PCDHA4: variants seen among roughly 807,000 people sequenced by gnomAD.
The protein encoded by PCDHA4 is protocadherin alpha-4.
In PCDHA4, 49 loss-of-function variants were observed where a neutral mutation model predicts 61.4. The observed-to-expected ratio is 0.80, with a 90% CI of 0.63 to 1.01. The LOEUF is 1.01. PCDHA4 is among the 50% of genes least tolerant of loss of function. PCDHA4 has a pLI of 0.00. For missense variants in PCDHA4, 1,254 were observed against 1,235.8 expected, an observed-to-expected ratio of 1.01 and a Z score of -0.22; for synonymous variants, 590 against 550.3, an observed-to-expected ratio of 1.07 and a Z score of -1.01.
intron 1 of PCDHA4, chr5:140,876,947 A>C: frequency 6.2e-7 from 1 of 1,613,496 alleles, no homozygotes; most frequent in Non-Finnish European, 8.5e-7. Flanking sequence ...CTGGTGTCCT[A>C]CTCGCTGGTG....
At position 140,967,566 on chromosome 5, in the gene PCDHA4, G is replaced by T. The variant is rs1586227015; in HGVS notation, c.2386-11383G>T. The stretch of plus-strand genomic sequence containing the variant: ...CAGTCCACTTATCGCGTCCAGCTAC[G>T]GGAGGACTCACCCCCAGGCACATTG... On this transcript the variant is annotated intron_variant, in intron 1 of 3. Coordinates refer to ENST00000530339, the MANE Select transcript of PCDHA4 (RefSeq NM_018907.4). 6 of 1,614,060 alleles carry T rather than the reference G, an allele frequency of 3.7e-6. No homozygotes were observed. In the East Asian group the frequency reaches 1.3e-4, roughly 36 times the overall value.
At chr5:140,982,439 G>T in intron 2 of PCDHA4, 36 bp from the exon 3 acceptor site, 1 of 1,613,560 alleles carries the variant, frequency 6.2e-7, no homozygotes, top group Non-Finnish European at 8.5e-7. Context: ...AAGAATTTAT[G>T]ATCTAACCGT....
At chr5:140,833,562 T>A (rs1298635340) in intron 1 of PCDHA4, among the ~76,000 whole-genome samples, 1 of 152,132 alleles carries the variant, frequency 6.6e-6, no homozygotes, top group African/African-American at 2.4e-5. Context: ...GAAACAAATA[T>A]AAAATGATGA....
intron 1 of PCDHA4, chr5:140,823,865 T>A (rs1554129638): frequency 1.2e-6 from 2 of 1,613,806 alleles, no homozygotes; most frequent in East Asian, 4.5e-5. Flanking sequence ...GATGTCAACG[T>A]GTACCTGATC....
intron 1 of PCDHA4, chr5:140,875,825 A>G: frequency 6.2e-7 from 1 of 1,614,174 alleles, no homozygotes; most frequent in East Asian, 2.2e-5. Flanking sequence ...CAGGTTTTCC[A>G]TGTGGACGTG....
intron 1 of PCDHA4, among the ~76,000 whole-genome samples, chr5:140,890,446 T>A (rs1554184296): frequency 6.6e-6 from 1 of 152,228 alleles, no homozygotes; most frequent in Non-Finnish European, 1.5e-5. Context: ...CCTAGTGATA[T>A]CTTTAGGCAC....
chr5:140,851,156 T>C (rs1174677153), intron 1 of PCDHA4: 2 of 1,302,318 alleles, frequency 1.5e-6, no homozygotes, highest in South Asian at 2.6e-5. Context: ...GAATTTCTGA[T>C]GCTATGCTGC....
chr5:140,916,090 G>A (rs1464191226), intron 1 of PCDHA4, among the ~76,000 whole-genome samples: 1 of 152,160 alleles, frequency 6.6e-6, no homozygotes, highest in African/African-American at 2.4e-5. Context: ...TGGTCCACAG[G>A]GAATCTGCCT....
intron 3 of PCDHA4, among the ~76,000 whole-genome samples, chr5:140,999,859 C>T (rs2153959609): frequency 6.6e-6 from 1 of 152,256 alleles, no homozygotes; most frequent in South Asian, 2.1e-4. Context: ...TCTTCCGCTC[C>T]AAGATTACTG....
rs549701659 is a variant in PCDHA4 at position 140,937,333 on chromosome 5, G to C, written c.2386-41616G>C. On this transcript the variant is annotated intron_variant, in intron 1 of 3. Transcript: ENST00000530339. ...ATTACAGGCGTGAGCCACCGCGCCCGGCTTCTTCCATTTATTTTATTATTT... is the reference window on the plus strand; with the variant it reads ...ATTACAGGCGTGAGCCACCGCGCCCCGCTTCTTCCATTTATTTTATTATTT... Among the ~76,000 whole-genome samples the C allele has an allele frequency of 2.8e-3, 423 of 151,952 alleles. 2 individuals carry two copies. Among genetic ancestry groups the C allele is most frequent in the Middle Eastern group, 0.014 (4 of 294 alleles).
intron 3 of PCDHA4, among the ~76,000 whole-genome samples, chr5:140,995,493 G>T (rs1427672474): frequency 6.6e-6 from 1 of 152,148 alleles, no homozygotes; most frequent in Non-Finnish European, 1.5e-5. Flanking sequence ...TCAGACTAAG[G>T]TTGACTGTGG....
intron 1 of PCDHA4, chr5:140,830,417 C>T: frequency 1.2e-6 from 2 of 1,614,096 alleles, no homozygotes; most frequent in Non-Finnish European, 1.7e-6. Flanking sequence ...TAGCCCCAGC[C>T]TTTCACCTTG....
chr5:140,862,327 A>G (rs1317111352), intron 1 of PCDHA4: 1 of 326,932 alleles, frequency 3.1e-6, no homozygotes, highest in Non-Finnish European at 6.0e-6. Context: ...TAATCAGTGT[A>G]ATTGACCCTA....
rs185992249 is a variant in PCDHA4 at position 140,825,788 on chromosome 5, G to A, written c.2385+16216G>A. 348 of 152,420 alleles carry A rather than the reference G, an allele frequency of 2.3e-3. 1 individual carries two copies. The highest frequency in any genetic ancestry group is 4.4e-3 in the Non-Finnish European group (300 of 67,998). The allele number at this position is 152,420 out of a possible 1,614,324, so 9.4% of individuals were successfully genotyped here. On this transcript the variant is annotated intron_variant, in intron 1 of 3. Transcript: ENST00000530339. ...GTTGTGCAAATTCTACTATATTTTG[G>A]TTGGGAAATTTTACTGCTTGTTGTT... is the stretch of plus-strand genomic sequence containing the variant.
intron 1 of PCDHA4, chr5:140,869,765 A>C (rs376277801): frequency 1.9e-6 from 3 of 1,613,164 alleles, no homozygotes; most frequent in African/African-American, 2.7e-5. Flanking sequence ...GGAAAACCAG[A>C]GCTTACTGGC....
chr5:140,807,509 G>A lies in PCDHA4; in HGVS notation c.322G>A (p.Val108Met). 1.9e-6 allele frequency: 3 copies of A among 1,613,908 alleles called. No homozygotes were observed. Among genetic ancestry groups the A allele is most frequent in the Non-Finnish European group, 2.5e-6 (3 of 1,179,950 alleles). Residue 108 changes from valine (V) to methionine (M), a missense_variant, in exon 1 of 4, where the codon GTG becomes ATG. By Grantham distance (21) the Val-to-Met change is conservative (BLOSUM62 1). Transcript: ENST00000530339. ...CGCGGAGTGCAGCATCCACCTGGAG[G>A]TGATCGTAGACAGGCCGCTGCAGGT... is the stretch of plus-strand genomic sequence containing the variant. ...RSAECSIHLE[V>M]IVDRPLQVFH...
chr5:140,952,417 C>T (rs2153696080), intron 1 of PCDHA4, among the ~76,000 whole-genome samples: 1 of 152,190 alleles, frequency 6.6e-6, no homozygotes, highest in Non-Finnish European at 1.5e-5. Flanking sequence ...TAATGTTCCG[C>T]AGATTCCTAC....
Position 140,828,302 on chromosome 5 carries a change from C to T in PCDHA4, c.2385+18730C>T, listed in dbSNP as rs2150153746. ...CCTGTTCAGGATGGCCTCCAAAGACCGCGAGGACCTTCTGGAGGTAAATCT... is the reference window on the plus strand; with the variant it reads ...CCTGTTCAGGATGGCCTCCAAAGACTGCGAGGACCTTCTGGAGGTAAATCT... On this transcript the variant is annotated intron_variant, in intron 1 of 3. Coordinates refer to ENST00000530339, the MANE Select transcript of PCDHA4 (RefSeq NM_018907.4). 3.1e-6 allele frequency: 5 copies of T among 1,614,032 alleles called. No individual in the cohort carries two copies. In the East Asian group the frequency reaches 1.1e-4, roughly 36 times the overall value.
intron 1 of PCDHA4, chr5:140,969,364 T>C: frequency 6.2e-7 from 1 of 1,610,368 alleles, no homozygotes; most frequent in Non-Finnish European, 8.5e-7. Context: ...TTCTACAAAC[T>C]CATGCATTTG....
Sources: allele counts gnomAD v4.1 joint callset (sites outside exome capture counted in the v4.1 genomes callset), GRCh38; gene constraint gnomAD v4.1.1; transcripts MANE v1.5; gene names NCBI Gene and HGNC (gene_info 2026-07-23, HGNC 2026-07-21).